Variants in TMEM39B observed in about 807,000 individuals in gnomAD.
TMEM39B encodes transmembrane protein 39B.
Under a neutral mutation model 52.2 loss-of-function variants are expected in TMEM39B, and 23 were observed. The observed-to-expected ratio is 0.44, with a 90% CI of 0.32 to 0.62. The LOEUF is 0.62. TMEM39B is among the 20% of genes least tolerant of loss of function. TMEM39B has a pLI of 0.06. For missense variants in TMEM39B, 547 were observed against 642.0 expected, an observed-to-expected ratio of 0.85 and a Z score of 1.60; for synonymous variants, 285 against 264.0, an observed-to-expected ratio of 1.08 and a Z score of -0.77.
rs1028548100 is a variant in TMEM39B at position 32,102,736 on chromosome 1, G to A, written c.*63G>A. On this transcript the variant is annotated 3_prime_UTR_variant, in exon 9 of 9. Transcript: ENST00000336294. ...GCCAAGGGCTCCCTGGCAAGGGGCT[G>A]TTGGGTAGAAGTGGTGGTGGGGGGG... The A allele has an allele frequency of 7.8e-6, 11 of 1,418,862 alleles. No individual in the cohort carries two copies. The African/African-American group carries it at 1.5e-4, about 19-fold the overall frequency. The allele number at this position is 1,418,862 out of a possible 1,614,324, so 87.9% of individuals were successfully genotyped here. A position where few individuals can be genotyped will look rare whatever the true frequency, so the allele number is the denominator to read the frequency against.
At chr1:32,089,214 G>A (rs1185329893) in intron 5 of TMEM39B, among the ~76,000 whole-genome samples, 2 of 145,558 alleles carry the variant, frequency 1.4e-5, no homozygotes, top group African/African-American at 5.1e-5. Flanking sequence ...TCAGCTCATT[G>A]CAGCCTTGAA....
At chr1:32,072,890 C>A, upstream of TMEM39B, 1 of 1,012,652 alleles carries the variant, frequency 9.9e-7, no homozygotes, top group Non-Finnish European at 1.4e-6. Context: ...GCGCCAGCTT[C>A]CAGCCCGCCT....
intron 5 of TMEM39B, among the ~76,000 whole-genome samples, chr1:32,080,808 T>C (rs958274230): frequency 6.6e-6 from 1 of 152,104 alleles, no homozygotes; most frequent in African/African-American, 2.4e-5. Flanking sequence ...AATTTAAAAA[T>C]GTTTATTGAC....
chr1:32,083,116 T>A (rs1640184130), intron 5 of TMEM39B, among the ~76,000 whole-genome samples: 1 of 132,952 alleles, frequency 7.5e-6, no homozygotes. Flanking sequence ...GGAGTTTTGC[T>A]CTTGTTGCCC....
chr1:32,072,809 G>A, upstream of TMEM39B: 1 of 541,118 alleles, frequency 1.8e-6, no homozygotes, highest in East Asian at 3.5e-5. Context: ...GCTGCAGGAA[G>A]GGCGTGGGGG....
At chr1:32,080,871 A>G (rs991417895) in intron 5 of TMEM39B, among the ~76,000 whole-genome samples, 5 of 151,818 alleles carry the variant, frequency 3.3e-5, no homozygotes, top group Non-Finnish European at 7.4e-5. Flanking sequence ...AAAAGCTTAT[A>G]ATGAAAACCA....
At position 32,100,390 on chromosome 1, in the gene TMEM39B, C is replaced by T. The variant is rs556550552; in HGVS notation, c.1116-52C>T. Reference sequence around the variant, plus strand: ...TCCCTCCTGCCCATTCTTCTGGTATCCCTTTTGTGGGTGAGCTGGGGATAA... The same window carrying T: ...TCCCTCCTGCCCATTCTTCTGGTATTCCTTTTGTGGGTGAGCTGGGGATAA... On this transcript the variant is annotated intron_variant, in intron 7 of 8. Coordinates refer to ENST00000336294, the MANE Select transcript of TMEM39B (RefSeq NM_018056.4). 3 of 1,510,944 alleles carry T rather than the reference C, an allele frequency of 2.0e-6. No homozygotes were observed. In the East Asian group the frequency reaches 7.0e-5, roughly 35 times the overall value. The allele number at this position is 1,510,944 out of a possible 1,614,324, so 93.6% of individuals were successfully genotyped here.
chr1:32,094,462 C>T (rs951714308), intron 6 of TMEM39B, among the ~76,000 whole-genome samples: 1 of 152,016 alleles, frequency 6.6e-6, no homozygotes, highest in African/African-American at 2.4e-5. Context: ...GATGAGGAAA[C>T]TAAAGCACAG....
intron 5 of TMEM39B, among the ~76,000 whole-genome samples, chr1:32,077,526 C>T (rs903273033): frequency 6.6e-6 from 1 of 152,220 alleles, no homozygotes; most frequent in African/African-American, 2.4e-5. Context: ...ATTTACCCAG[C>T]TCTCACTATG....
At chr1:32,092,147 A>G in intron 6 of TMEM39B, 136 bp downstream of exon 6, 1 of 787,262 alleles carries the variant, frequency 1.3e-6, no homozygotes, top group South Asian at 1.8e-5. Flanking sequence ...TGGAGTGACT[A>G]CTATCTCCAT....
intron 5 of TMEM39B, 71 bp from the exon 6 acceptor site, chr1:32,091,604 C>T: frequency 6.7e-7 from 1 of 1,485,150 alleles, no homozygotes; most frequent in Non-Finnish European, 9.1e-7. Flanking sequence ...GAAAGAAGAT[C>T]CCCTCAGTGG....
chr1:32,102,290 A>G lies in TMEM39B; in HGVS notation c.1237-141A>G. 2.6e-6 allele frequency: 3 copies of G among 1,153,270 alleles called. No individual in the cohort carries two copies. In the South Asian group the frequency reaches 4.6e-5, roughly 18 times the overall value. The allele number at this position is 1,153,270 out of a possible 1,614,324, so 71.4% of individuals were successfully genotyped here. A position where few individuals can be genotyped will look rare whatever the true frequency, so the allele number is the denominator to read the frequency against. The stretch of plus-strand genomic sequence containing the variant: ...GATGAGGTGGCAAAGTCCACATCCA[A>G]CCCCAGAAAGTCTTCTTCCCCACCC... On this transcript the variant is annotated intron_variant, in intron 8 of 8. Coordinates refer to ENST00000336294, the MANE Select transcript of TMEM39B (RefSeq NM_018056.4).
rs74739801 is a variant in TMEM39B at position 32,092,176 on chromosome 1, A to T, written c.927+165A>T. 8.3e-3 allele frequency among the ~76,000 whole-genome samples: 1,256 copies of T among 152,118 alleles called. 26 individuals are homozygous for T. The highest frequency in any genetic ancestry group is 0.028 in the African/African-American group (1,177 of 41,522). Reference sequence around the variant, plus strand: ...TCTCCATTTTATTTTTTATTTTTAGAGACAGGGTCTTGCTCTGTCACCTAC... The same window carrying T: ...TCTCCATTTTATTTTTTATTTTTAGTGACAGGGTCTTGCTCTGTCACCTAC... On this transcript the variant is annotated intron_variant, in intron 6 of 8. Transcript: ENST00000336294.
At chr1:32,088,794 G>A (rs1183912614) in intron 5 of TMEM39B, among the ~76,000 whole-genome samples, 1 of 151,532 alleles carries the variant, frequency 6.6e-6, no homozygotes, top group South Asian at 2.1e-4. Context: ...GGAGACCTTT[G>A]TATGTTCACA....
chr1:32,077,554 A>G (rs1198847225), intron 5 of TMEM39B, among the ~76,000 whole-genome samples: 1 of 152,122 alleles, frequency 6.6e-6, no homozygotes, highest in Non-Finnish European at 1.5e-5. Context: ...TCAGAATGGG[A>G]CTCAGATCTG....
At chr1:32,074,874 T>C (rs1441317548) in intron 1 of TMEM39B, 77 bp from the exon 2 acceptor site, 15 of 1,458,662 alleles carry the variant, frequency 1.0e-5, no homozygotes, top group Non-Finnish European at 1.3e-5. Flanking sequence ...ACTAGGTGAC[T>C]GGCAGCTGGT....
intron 5 of TMEM39B, among the ~76,000 whole-genome samples, chr1:32,080,756 GA>G (rs1640061601): frequency 6.6e-6 from 1 of 151,354 alleles, no homozygotes; most frequent in Non-Finnish European, 1.5e-5. Context: ...CATGGATGCA[GA>G]TAACACCCAA....
At chr1:32,082,247 C>A (rs916865272) in intron 5 of TMEM39B, among the ~76,000 whole-genome samples, 1 of 152,028 alleles carries the variant, frequency 6.6e-6, no homozygotes, top group African/African-American at 2.4e-5. Context: ...TATCGTCAAG[C>A]TTGACATTCA....
rs540709705 is a variant in TMEM39B, at chr1:32,073,906, A to G, written c.4+855A>G. ...AGGTTATAACTTTTTAAAAATATGT[A>G]TATGTATGTATATATATTTTTTAAT... On this transcript the variant is annotated intron_variant, in intron 1 of 8. Transcript: ENST00000336294. 138 of 981,682 alleles carry G rather than the reference A, an allele frequency of 1.4e-4. No individual in the cohort carries two copies. In the African/African-American group the frequency reaches 2.2e-3, roughly 15 times the overall value. The allele number at this position is 981,682 out of a possible 1,614,324, so 60.8% of individuals were successfully genotyped here. A position where few individuals can be genotyped will look rare whatever the true frequency, so the allele number is the denominator to read the frequency against.
Sources: allele counts gnomAD v4.1 joint callset (sites outside exome capture counted in the v4.1 genomes callset), GRCh38; gene constraint gnomAD v4.1.1; transcripts MANE v1.5; gene names NCBI Gene and HGNC (gene_info 2026-07-23, HGNC 2026-07-21).